The following SEC61A1 variants were observed in gnomAD, a reference collection of about 807,000 sequenced individuals.
SEC61A1 encodes protein transport protein Sec61 subunit alpha isoform 1.
In SEC61A1, 15 loss-of-function variants were observed where a neutral mutation model predicts 55.2. That is an observed-to-expected ratio of 0.27 (90% CI 0.18 to 0.42). The LOEUF (loss-of-function observed/expected upper bound fraction) is 0.42, where lower values mean the gene tolerates loss of function less well. Ranked by LOEUF, SEC61A1 falls within the 10% of genes least tolerant of loss-of-function variation. The probability of loss-of-function intolerance (pLI) is 1.00; values close to 1 mark genes in which losing one functional copy is unlikely to be tolerated. For missense variants in SEC61A1, 284 were observed against 602.6 expected, an observed-to-expected ratio of 0.47 and a Z score of 5.53; for synonymous variants, 247 against 234.0, an observed-to-expected ratio of 1.06 and a Z score of -0.51.
intron 11 of SEC61A1, 111 bp downstream of exon 11, chr3:128,068,170 C>T (rs564260055): frequency 7.8e-6 from 6 of 768,152 alleles, no homozygotes; most frequent in Admixed American, 4.6e-5. Context: ...AAATCTTATC[C>T]TTGGGTTACA....
upstream of SEC61A1, chr3:128,051,799 C>T: frequency 6.5e-7 from 1 of 1,533,508 alleles, no homozygotes; most frequent in East Asian, 2.4e-5. Flanking sequence ...CCCGGCCCTT[C>T]TCCGGCCAAG....
rs1425539176 is a variant in SEC61A1, at chr3:128,066,987, C to A, written c.811C>A (p.Arg271Ser). The A allele has an allele frequency of 1.2e-6, 2 of 1,614,162 alleles. No homozygotes were observed. Among genetic ancestry groups the A allele is most frequent in the Admixed American group, 3.3e-5 (2 of 60,016 alleles). The change falls in exon 9 of 12, where the codon CGC becomes AGC. Residue 271 changes from arginine (R) to serine (S), a missense_variant. Transcript: ENST00000243253. ...AGTGGACCTGCCAATCAAGTCGGCC[C>A]GCTACCGTGGCCAGTACAACACCTA... ...FRVDLPIKSA[R>S]YRGQYNTYPI...
chr3:128,063,022 A>G (rs1364318150), intron 7 of SEC61A1, among the ~76,000 whole-genome samples: 1 of 152,160 alleles, frequency 6.6e-6, no homozygotes, highest in Non-Finnish European at 1.5e-5. Flanking sequence ...GGTTAAAGTG[A>G]TCCCTTCTCA....
At chr3:128,063,786 C>T (rs1232031528) in intron 7 of SEC61A1, among the ~76,000 whole-genome samples, 1 of 152,162 alleles carries the variant, frequency 6.6e-6, no homozygotes, top group African/African-American at 2.4e-5. Flanking sequence ...GTTATGCTGT[C>T]CTGGAACGGC....
chr3:128,055,789 G>C, intron 4 of SEC61A1, 38 bp downstream of exon 4: 1 of 1,506,082 alleles, frequency 6.6e-7, no homozygotes, highest in African/African-American at 1.4e-5. Context: ...GTAGAGTGTA[G>C]GCTTACCTAG....
At chr3:128,065,731 A>ATT (rs1941953629) in intron 8 of SEC61A1, among the ~76,000 whole-genome samples, 2 of 61,962 alleles carry the variant, frequency 3.2e-5, no homozygotes, top group East Asian at 5.2e-4. Context: ...GATCATTAAG[A>ATT]ATTTTTTTTT....
At position 128,069,787 on chromosome 3, in the gene SEC61A1, A is replaced by T; in HGVS notation, c.*125A>T. On this transcript the variant is annotated 3_prime_UTR_variant, in exon 12 of 12. Coordinates refer to ENST00000243253, the MANE Select transcript of SEC61A1 (RefSeq NM_013336.4). Reference sequence around the variant, plus strand: ...ATGTTTTTGAATTTCGTATTCTTTCATTCCACTGTGTAAAGTGCTAGACAT... The same window carrying T: ...ATGTTTTTGAATTTCGTATTCTTTCTTTCCACTGTGTAAAGTGCTAGACAT... The T allele has an allele frequency of 1.1e-6, 1 of 875,854 alleles. No homozygotes were observed. Among genetic ancestry groups the T allele is most frequent in the Non-Finnish European group, 1.8e-6 (1 of 565,574 alleles). The allele number at this position is 875,854 out of a possible 1,614,324, so 54.3% of individuals were successfully genotyped here. A position where few individuals can be genotyped will look rare whatever the true frequency, so the allele number is the denominator to read the frequency against.
rs188854826 is a variant in SEC61A1 at position 128,056,012 on chromosome 3, A to G, written c.220+261A>G. On this transcript the variant is annotated intron_variant, in intron 4 of 11. Transcript: ENST00000243253. ...GTCTATGCTATAGAGAGAATAAAAAACATGGAAAAACTAGAATACTTTTTG... is the reference window on the plus strand; with the variant it reads ...GTCTATGCTATAGAGAGAATAAAAAGCATGGAAAAACTAGAATACTTTTTG... 1.6e-3 allele frequency among the ~76,000 whole-genome samples: 243 copies of G among 152,386 alleles called. 1 individual carries two copies. Among genetic ancestry groups the G allele is most frequent in the African/African-American group, 5.4e-3 (225 of 41,590 alleles).
intron 7 of SEC61A1, among the ~76,000 whole-genome samples, chr3:128,062,532 C>T (rs960359465): frequency 9.2e-5 from 14 of 152,178 alleles, no homozygotes; most frequent in African/African-American, 2.7e-4. Context: ...TGGGAATTGA[C>T]GAAAGACCGC....
Position 128,066,492 on chromosome 3 carries a change from G to A in SEC61A1, c.778-462G>A, listed in dbSNP as rs376396975. On this transcript the variant is annotated intron_variant, in intron 8 of 11. Transcript: ENST00000243253. ...GGCTGGAATGCAGTGGCATGATCTC[G>A]GCTCACTGCAGCCTAGACCTCCCAG... 1.6e-3 allele frequency: 252 copies of A among 161,268 alleles called. 9 individuals are homozygous for A. The South Asian group carries it at 0.045, about 29-fold the overall frequency. The allele number at this position is 161,268 out of a possible 1,614,324, so 10.0% of individuals were successfully genotyped here. A position where few individuals can be genotyped will look rare whatever the true frequency, so the allele number is the denominator to read the frequency against.
At position 128,052,885 on chromosome 3, in the gene SEC61A1, C is replaced by A; in HGVS notation, c.58C>A (p.Gln20Lys). The A allele has an allele frequency of 6.2e-7, 1 of 1,613,306 alleles. No individual in the cohort carries two copies. Among genetic ancestry groups the A allele is most frequent in the South Asian group, 1.1e-5 (1 of 90,942 alleles). ...KPFCVILPEI[Q>K]KPERKIQFKE... ...CTTCTGTGTCATCCTGCCGGAAATT[C>A]AGAAGCCAGAGAGGAAGGTAAGTAC... The change falls in exon 2 of 12, where the codon CAG becomes AAG. Residue 20 changes from glutamine to lysine, a missense_variant. Coordinates refer to ENST00000243253, the MANE Select transcript of SEC61A1 (RefSeq NM_013336.4).
In SEC61A1 at chr3:128,067,693, A is replaced by G; in HGVS notation, c.1167+81A>G. Reference sequence around the variant, plus strand: ...GTGTGGACTTGTCACCTCATCATAAATAATGGTCTGTGACGTGTGCAGATA... The same window carrying G: ...GTGTGGACTTGTCACCTCATCATAAGTAATGGTCTGTGACGTGTGCAGATA... On this transcript the variant is annotated intron_variant, in intron 10 of 11. Transcript: ENST00000243253. This position sits in a 1 kb window ranked among gnomAD's most constrained non-coding sequence, Gnocchi z 4.1. The G allele has an allele frequency of 8.6e-7, 1 of 1,156,334 alleles. No individual in the cohort carries two copies. 71.6% of individuals were successfully genotyped at this position (1,156,334 alleles called of 1,614,324 possible).
intron 11 of SEC61A1, among the ~76,000 whole-genome samples, chr3:128,068,400 G>A (rs898800063): frequency 3.9e-5 from 6 of 152,198 alleles, no homozygotes; most frequent in African/African-American, 1.2e-4. Flanking sequence ...GTGGGGTGCT[G>A]AAGAGAGCGC....
intron 2 of SEC61A1, among the ~76,000 whole-genome samples, chr3:128,053,555 T>G (rs111308118): frequency 6.6e-6 from 1 of 152,346 alleles, no homozygotes; most frequent in African/African-American, 2.4e-5. Context: ...GAGTGGGGAA[T>G]AAAATGTTTG....
In SEC61A1 at chr3:128,064,864, C is replaced by T; in HGVS notation, c.617-13C>T. On this transcript the variant is annotated splice_polypyrimidine_tract_variant and intron_variant, in intron 7 of 11. Transcript: ENST00000243253. Reference sequence around the variant, plus strand: ...GTTCGTTCCTTCATATATGTCTCCTCCTCTGCCAACAGGAATGGAATTTGA... The same window carrying T: ...GTTCGTTCCTTCATATATGTCTCCTTCTCTGCCAACAGGAATGGAATTTGA... The T allele has an allele frequency of 1.3e-6, 2 of 1,584,292 alleles. No homozygotes were observed. The highest frequency in any genetic ancestry group is 1.7e-6 in the Non-Finnish European group (2 of 1,164,140).
intron 6 of SEC61A1, 143 bp downstream of exon 6, chr3:128,060,354 C>A: frequency 9.5e-7 from 1 of 1,053,396 alleles, no homozygotes; most frequent in Non-Finnish European, 1.4e-6. Context: ...CCTCTGAATT[C>A]AGCAGAGAAA....
intron 1 of SEC61A1, 39 bp from the exon 2 acceptor site, chr3:128,052,796 T>C (rs79698029): frequency 1.3e-6 from 2 of 1,587,924 alleles, no homozygotes; most frequent in Non-Finnish European, 1.7e-6. Flanking sequence ...GTTACTTCTC[T>C]GTGTCCCAAC....
intron 4 of SEC61A1, 100 bp downstream of exon 4, chr3:128,055,851 G>A: frequency 3.1e-6 from 3 of 961,474 alleles, no homozygotes; most frequent in Non-Finnish European, 4.9e-6. Context: ...CTTAGAGAGT[G>A]ACTTGGAAAA....
rs2107654771 is a variant in SEC61A1, at chr3:128,069,555, G to A, written c.1324G>A (p.Gly442Arg). The change falls in exon 12 of 12, where the codon GGG (glycine) becomes AGG (arginine). Residue 442 changes from glycine to arginine, a missense_variant. Physicochemically the swap from Gly to Arg is moderately radical, Grantham distance 125 (BLOSUM62 -2). Transcript: ENST00000243253. ...CCTGGCTGACTTCCTAGGCGCCATT[G>A]GGTCTGGAACCGGGATCCTGCTCGC... ...SVLADFLGAI[G>R]SGTGILLAVT... The A allele has an allele frequency of 1.9e-6, 3 of 1,614,094 alleles. No homozygotes were observed. The highest frequency in any genetic ancestry group is 2.5e-6 in the Non-Finnish European group (3 of 1,180,028).
Sources: gnomAD v4.1 joint callset for allele counts (sites outside exome capture counted in the v4.1 genomes callset) on GRCh38, gnomAD v4.1.1 for gene constraint, Gnocchi (gnomAD v3.1) non-coding constraint, MANE v1.5 for transcripts, NCBI Gene and HGNC (gene_info 2026-07-23, HGNC 2026-07-21) for gene names.